AHI1: variants seen among roughly 807,000 people sequenced by gnomAD.
The protein encoded by AHI1 is jouberin.
AHI1 carries 123 observed loss-of-function variants against 149.3 expected under a neutral mutation model. The observed-to-expected ratio is 0.82, with a 90% CI of 0.71 to 0.96. AHI1 has a LOEUF of 0.96. Among genes scored for constraint, AHI1 ranks in the 40% least tolerant of loss-of-function variants. The probability of loss-of-function intolerance (pLI) is 0.00; values close to 1 mark genes in which losing one functional copy is unlikely to be tolerated. For missense variants in AHI1, 1,439 were observed against 1,422.7 expected, an observed-to-expected ratio of 1.01 and a Z score of -0.18; for synonymous variants, 475 against 459.8, an observed-to-expected ratio of 1.03 and a Z score of -0.42.
chr6:135,355,354 GA>G (rs111466248), intron 24 of AHI1, among the ~76,000 whole-genome samples: 17 of 134,402 alleles, frequency 1.3e-4, no homozygotes, highest in Middle Eastern at 3.8e-3. Flanking sequence ...TTGTAAGAAA[GA>G]AAAAAAAAAC....
Position 135,438,374 on chromosome 6 carries a change from C to A in AHI1, c.2036+1G>T, listed in dbSNP as rs776093293. 1.3e-6 allele frequency: 2 copies of A among 1,580,012 alleles called. No individual in the cohort carries two copies. Among genetic ancestry groups the A allele is most frequent in the Non-Finnish European group, 1.7e-6 (2 of 1,161,036 alleles). ...CATAAGTACTTCTCAAGGATACTAA[C>A]CTGGCAGTGCCATCAGATGATGAAG... On this transcript the variant is annotated splice_donor_variant, in intron 15 of 28. Transcript: ENST00000265602. LOFTEE classifies it high-confidence loss of function.
At chr6:135,306,786 T>C (rs1291119454) in intron 26 of AHI1, 1 of 152,208 alleles carries the variant, frequency 6.6e-6, no homozygotes, top group Non-Finnish European at 1.5e-5. Context: ...CAAGTGCTAA[T>C]GATGCATCTG....
chr6:135,313,854 G>GT (rs1327685261), intron 26 of AHI1, among the ~76,000 whole-genome samples: 1 of 152,136 alleles, frequency 6.6e-6, no homozygotes, highest in Non-Finnish European at 1.5e-5. Context: ...TAACTCAAGG[G>GT]TAATAGAAAC....
intron 24 of AHI1, among the ~76,000 whole-genome samples, chr6:135,344,926 T>TCACACACACACA (rs59084001): frequency 0.016 from 2,308 of 145,760 alleles, 71 homozygotes; most frequent in East Asian, 0.057. Context: ...AAGCTCTGAT[T>TCACACACACACA]CACACACACA....
chr6:135,341,706 T>C (rs937249933), intron 24 of AHI1, among the ~76,000 whole-genome samples: 2 of 151,792 alleles, frequency 1.3e-5, no homozygotes, highest in Non-Finnish European at 2.9e-5. Context: ...GTAAACAACA[T>C]ACTCCAAATA....
chr6:135,308,907 G>A (rs1191401887), intron 26 of AHI1, among the ~76,000 whole-genome samples: 1 of 152,196 alleles, frequency 6.6e-6, no homozygotes, highest in Non-Finnish European at 1.5e-5. Context: ...TGGATAAACT[G>A]AGAAGATAAG....
chr6:135,352,361 C>T (rs996626574), intron 24 of AHI1, among the ~76,000 whole-genome samples: 45 of 152,130 alleles, frequency 3.0e-4, no homozygotes, highest in Admixed American at 2.9e-3. Flanking sequence ...TTCTACCCAT[C>T]TATAAACTGT....
At chr6:135,459,609 TGA>T (rs1371033355) in intron 8 of AHI1, among the ~76,000 whole-genome samples, 1 of 151,772 alleles carries the variant, frequency 6.6e-6, no homozygotes, top group African/African-American at 2.4e-5. Context: ...ATCAAGAAAT[TGA>T]GAGAAAACAA....
chr6:135,423,873 C>T (rs570627467), intron 20 of AHI1, among the ~76,000 whole-genome samples: 1 of 152,150 alleles, frequency 6.6e-6, no homozygotes, highest in South Asian at 2.1e-4. Context: ...AGCCTCATTA[C>T]CTAGAATTAT....
At chr6:135,305,135 T>A (rs1351502718) in intron 26 of AHI1, 1 of 152,178 alleles carries the variant, frequency 6.6e-6, no homozygotes, top group Admixed American at 6.5e-5. Flanking sequence ...TACCAGGCAG[T>A]GGCTGTTACA....
intron 23 of AHI1, among the ~76,000 whole-genome samples, chr6:135,367,286 C>A (rs1774327044): frequency 6.6e-6 from 1 of 152,148 alleles, no homozygotes; most frequent in African/African-American, 2.4e-5. Flanking sequence ...CCTCACAGCT[C>A]TTAAGATTCT....
intron 23 of AHI1, among the ~76,000 whole-genome samples, chr6:135,371,097 G>A (rs1037884824): frequency 6.6e-6 from 1 of 152,142 alleles, no homozygotes; most frequent in African/African-American, 2.4e-5. Context: ...AGATAAAAAT[G>A]CATGGGAATT....
At chr6:135,423,381 G>A (rs1025414314) in intron 20 of AHI1, among the ~76,000 whole-genome samples, 4 of 152,012 alleles carry the variant, frequency 2.6e-5, no homozygotes, top group African/African-American at 9.7e-5. Context: ...TTAGACATAT[G>A]GCATTCTAAA....
chr6:135,475,541 G>A (rs1172440777), intron 5 of AHI1, among the ~76,000 whole-genome samples: 5 of 152,206 alleles, frequency 3.3e-5, no homozygotes. Flanking sequence ...TGGAGTCTGA[G>A]CAGCTGAGGT....
At chr6:135,345,098 A>G (rs886904851) in intron 24 of AHI1, among the ~76,000 whole-genome samples, 2 of 152,232 alleles carry the variant, frequency 1.3e-5, no homozygotes, top group African/African-American at 4.8e-5. Context: ...TGCTCACATT[A>G]TCGTCACTGG....
At chr6:135,394,684 T>C in intron 23 of AHI1, 92 bp downstream of exon 23, 1 of 1,522,278 alleles carries the variant, frequency 6.6e-7, no homozygotes, top group East Asian at 2.4e-5. Flanking sequence ...CCGACCATTA[T>C]GAGCTTTATT....
chr6:135,392,831 T>C (rs1429322578), intron 23 of AHI1, among the ~76,000 whole-genome samples: 1 of 152,270 alleles, frequency 6.6e-6, no homozygotes. Context: ...TGTTTAGAAA[T>C]AGAGTTAGGT....
intron 23 of AHI1, among the ~76,000 whole-genome samples, chr6:135,368,266 G>A (rs983811577): frequency 6.6e-6 from 1 of 152,180 alleles, no homozygotes; most frequent in African/African-American, 2.4e-5. Context: ...AGTGGATTCT[G>A]TGATGGTCCT....
At chr6:135,476,456 T>A (rs1463651248) in intron 5 of AHI1, among the ~76,000 whole-genome samples, 3 of 152,160 alleles carry the variant, frequency 2.0e-5, no homozygotes, top group Non-Finnish European at 4.4e-5. Flanking sequence ...ACAATGAGTA[T>A]TCTGTGTTTG....
Sources: allele counts gnomAD v4.1 joint callset (sites outside exome capture counted in the v4.1 genomes callset), GRCh38; gene constraint gnomAD v4.1.1; transcripts MANE v1.5; gene names NCBI Gene and HGNC (gene_info 2026-07-23, HGNC 2026-07-21).